Variants in TMEM178A observed in about 807,000 individuals in gnomAD.
TMEM178A encodes the protein transmembrane protein 178.
TMEM178A carries 12 observed loss-of-function variants against 29.1 expected under a neutral mutation model. That is an observed-to-expected ratio of 0.41 (90% confidence interval 0.26 to 0.67). The LOEUF is 0.67. Among genes scored for constraint, TMEM178A ranks in the 30% least tolerant of loss-of-function variants. The probability of loss-of-function intolerance (pLI) is 0.29; values close to 1 mark genes in which losing one functional copy is unlikely to be tolerated. For synonymous variants in TMEM178A, 210 were observed against 187.2 expected (o/e 1.12, Z -0.99); for missense variants, 366 against 419.1 (o/e 0.87, Z 1.11).
At chr2:39,668,073 G>T (rs1278613358) in intron 1 of TMEM178A, among the ~76,000 whole-genome samples, 3 of 152,232 alleles carry the variant, frequency 2.0e-5, no homozygotes, top group African/African-American at 7.2e-5. Flanking sequence ...GCAGGGCAGA[G>T]TCAAACCTAC....
At chr2:39,708,575 T>C (rs997631215) in intron 3 of TMEM178A, among the ~76,000 whole-genome samples, 11 of 150,856 alleles carry the variant, frequency 7.3e-5, no homozygotes, top group East Asian at 1.9e-4. Context: ...CGCGCCACCA[T>C]GCCCGGCTAA....
Position 39,704,069 on chromosome 2 carries a change from A to G in TMEM178A, c.401-12A>G, listed in dbSNP as rs1671917470. ...AGCAGACTCGTAAATCGCGTTTCTT[A>G]TTTCCTTCAAGGTATTGCGCAGCGA... is the stretch of plus-strand genomic sequence containing the variant. On this transcript the variant is annotated splice_polypyrimidine_tract_variant and intron_variant, in intron 1 of 3. Transcript: ENST00000281961. 2 of 1,612,414 alleles carry G rather than the reference A, an allele frequency of 1.2e-6. No homozygotes were observed. Among genetic ancestry groups the G allele is most frequent in the Non-Finnish European group, 1.7e-6 (2 of 1,178,860 alleles).
chr2:39,706,919 T>C (rs2148107694), intron 2 of TMEM178A, 130 bp from the exon 3 acceptor site: 1 of 1,066,116 alleles, frequency 9.4e-7, no homozygotes, highest in Non-Finnish European at 1.3e-6. Flanking sequence ...TATGCCTCCT[T>C]GTCCTGTGGG....
At chr2:39,710,916 T>G (rs1672272603) in intron 3 of TMEM178A, among the ~76,000 whole-genome samples, 1 of 152,248 alleles carries the variant, frequency 6.6e-6, no homozygotes, top group Non-Finnish European at 1.5e-5. Context: ...ATATTTCTCC[T>G]TCTGCCTTAT....
intron 3 of TMEM178A, among the ~76,000 whole-genome samples, chr2:39,714,493 C>G (rs2148118393): frequency 6.6e-6 from 1 of 152,290 alleles, no homozygotes; most frequent in East Asian, 1.9e-4. Flanking sequence ...CATGAAATCC[C>G]ATACTTTTGC....
the TMEM178A span, among the ~76,000 whole-genome samples, chr2:39,735,329 C>CGCTG: frequency 1.3e-5 from 2 of 152,098 alleles, no homozygotes; most frequent in African/African-American, 4.8e-5. Context: ...CAAAAATTGC[C>CGCTG]GCTGGCTGAG....
At chr2:39,726,134 TCTCAGAGAGACAGACAGTAATAAAA>T in the TMEM178A span, among the ~76,000 whole-genome samples, 3 of 152,224 alleles carry the variant, frequency 2.0e-5, no homozygotes, top group Non-Finnish European at 4.4e-5. Flanking sequence ...TTTGTGTCTG[TCTCAGAGAGACAGACAGTAATAAAA>T]CAGGGCTTGT....
intron 1 of TMEM178A, among the ~76,000 whole-genome samples, chr2:39,700,165 T>G (rs2148094618): frequency 6.6e-6 from 1 of 152,266 alleles, no homozygotes; most frequent in East Asian, 1.9e-4. Context: ...ATCTTGTTGG[T>G]TTATAATGTT....
At chr2:39,723,072 C>T in the TMEM178A span, among the ~76,000 whole-genome samples, 1 of 152,210 alleles carries the variant, frequency 6.6e-6, no homozygotes, top group African/African-American at 2.4e-5. Context: ...GCTCCCAGAA[C>T]GCAATCACAG....
chr2:39,684,380 G>T, intron 1 of TMEM178A, among the ~76,000 whole-genome samples: 1 of 152,210 alleles, frequency 6.6e-6, no homozygotes, highest in East Asian at 1.9e-4. Context: ...CTGCCAGTTA[G>T]TTATATAAAC....
rs778771460 is a variant in TMEM178A at position 39,666,111 on chromosome 2, G to A, written c.137G>A (p.Ser46Asn). The A allele has an allele frequency of 3.1e-5, 49 of 1,557,464 alleles. No individual in the cohort carries two copies. The highest frequency in any genetic ancestry group is 2.8e-4 in the South Asian group (24 of 85,056). Residue 46 changes from serine to asparagine, a missense_variant, in exon 1 of 4, where the codon AGC becomes AAC. This residue lies in a region of TMEM178A where 247 missense variants were observed against 246.8 expected (regional missense o/e 1.00). Coordinates refer to ENST00000281961, the MANE Select transcript of TMEM178A (RefSeq NM_152390.3). ...PRRHKESCER[S>N]RAGADPPDQK... ...CGCCACAAGGAGAGCTGCGAGCGCA[G>A]CCGCGCGGGCGCCGACCCCCCGGAC... is the stretch of plus-strand genomic sequence containing the variant.
Position 39,717,305 on chromosome 2 carries a change from G to C in TMEM178A, c.*54G>C. On this transcript the variant is annotated 3_prime_UTR_variant, in exon 4 of 4. Coordinates refer to ENST00000281961, the MANE Select transcript of TMEM178A (RefSeq NM_152390.3). ...GAGCGACTCCTGAGGGGAACAGCGCGGAGTTCAGGAGTCCAAGCACAAAGC... is the reference window on the plus strand; with the variant it reads ...GAGCGACTCCTGAGGGGAACAGCGCCGAGTTCAGGAGTCCAAGCACAAAGC... 6.4e-7 allele frequency: 1 copy of C among 1,559,956 alleles called. No individual in the cohort carries two copies. Among genetic ancestry groups the C allele is most frequent in the Non-Finnish European group, 8.7e-7 (1 of 1,152,136 alleles).
intron 3 of TMEM178A, among the ~76,000 whole-genome samples, chr2:39,708,489 A>C (rs1400944122): frequency 1.6e-5 from 2 of 127,900 alleles, no homozygotes; most frequent in Non-Finnish European, 3.1e-5. Context: ...CGCGATCTCG[A>C]CTCACTGCAA....
At chr2:39,688,739 A>G (rs1198772562) in intron 1 of TMEM178A, among the ~76,000 whole-genome samples, 8 of 152,210 alleles carry the variant, frequency 5.3e-5, no homozygotes, top group Non-Finnish European at 1.2e-4. Context: ...TCAGTTCAGT[A>G]TTTTTTTGAA....
downstream of TMEM178A, among the ~76,000 whole-genome samples, chr2:39,721,472 G>A (rs1439742247): frequency 6.6e-6 from 1 of 152,064 alleles, no homozygotes; most frequent in Non-Finnish European, 1.5e-5. Flanking sequence ...GCTACTATAA[G>A]GTCTGGCTAT....
the TMEM178A span, among the ~76,000 whole-genome samples, chr2:39,723,625 C>T: frequency 1.3e-5 from 2 of 152,152 alleles, no homozygotes. Flanking sequence ...GGGACTGCCT[C>T]AGTACCTCCT....
At chr2:39,704,378 A>C (rs1477962101) in intron 2 of TMEM178A, among the ~76,000 whole-genome samples, 184 bp downstream of exon 2, 1 of 152,192 alleles carries the variant, frequency 6.6e-6, no homozygotes, top group Non-Finnish European at 1.5e-5. Context: ...TTTGCTTAAA[A>C]ATAAAATGTG....
intron 1 of TMEM178A, among the ~76,000 whole-genome samples, chr2:39,700,092 G>A (rs1450195410): frequency 6.6e-6 from 1 of 152,106 alleles, no homozygotes; most frequent in Non-Finnish European, 1.5e-5. Flanking sequence ...AATATACTAT[G>A]TGCACTTGAG....
intron 1 of TMEM178A, among the ~76,000 whole-genome samples, chr2:39,702,462 AC>A (rs887390646): frequency 2.0e-5 from 3 of 152,152 alleles, no homozygotes; most frequent in Non-Finnish European, 4.4e-5. Context: ...TCTGATGAGT[AC>A]CAAATGGAAT....
Sources: allele counts gnomAD v4.1 joint callset (sites outside exome capture counted in the v4.1 genomes callset), GRCh38; gene constraint gnomAD v4.1.1; regional missense constraint gnomAD v4.1.1; transcripts MANE v1.5; gene names NCBI Gene and HGNC (gene_info 2026-07-23, HGNC 2026-07-21).